Variants in CSMD1 observed in about 807,000 individuals in gnomAD.
CSMD1 encodes the protein CUB and sushi domain-containing protein 1.
In CSMD1, 213 loss-of-function variants were observed where a neutral mutation model predicts 417.5. The ratio of observed to expected loss-of-function variants is 0.51; its 90% CI spans 0.46 to 0.57. The LOEUF is 0.57. Among genes scored for constraint, CSMD1 ranks in the 20% least tolerant of loss-of-function variants. CSMD1 has a pLI of 0.00. For synonymous variants in CSMD1, 2,862 were observed against 1,736.8 expected, an observed-to-expected ratio of 1.65 and a Z score of -16.11; for missense variants, 6,923 against 4,529.7, an observed-to-expected ratio of 1.53 and a Z score of -15.17.
At chr8:4,627,546 C>T (rs1802190168) in intron 2 of CSMD1, among the ~76,000 whole-genome samples, 1 of 152,186 alleles carries the variant, frequency 6.6e-6, no homozygotes, top group African/African-American at 2.4e-5. Context: ...TTTTGAAAGA[C>T]AATGTAAAAT....
chr8:4,086,807 A>T (rs764631923), intron 3 of CSMD1, among the ~76,000 whole-genome samples: 2 of 152,178 alleles, frequency 1.3e-5, no homozygotes, highest in African/African-American at 4.8e-5. Context: ...CAAATTTCTT[A>T]GTCTGAGATG....
Position 3,433,151 on chromosome 8 carries a change from G to T in CSMD1, c.1562-23546C>A, listed in dbSNP as rs377648567. On this transcript the variant is annotated intron_variant, in intron 12 of 69. Transcript: ENST00000635120. Reference sequence around the variant, plus strand: ...AGTTGCATTTTGATAAACATGGTGGGATTCTGAAGAAACAATGAATGAAAT... The same window carrying T: ...AGTTGCATTTTGATAAACATGGTGGTATTCTGAAGAAACAATGAATGAAAT... Among the ~76,000 whole-genome samples, 45 of 152,324 alleles carry T rather than the reference G, an allele frequency of 3.0e-4. No individual in the cohort carries two copies. In the South Asian group the frequency reaches 7.5e-3, roughly 25 times the overall value.
At chr8:3,653,677 C>A (rs1797967775) in intron 7 of CSMD1, among the ~76,000 whole-genome samples, 1 of 152,098 alleles carries the variant, frequency 6.6e-6, no homozygotes, top group Non-Finnish European at 1.5e-5. Flanking sequence ...TTTTTACAGC[C>A]CAAGTCCTGG....
At chr8:3,039,839 A>G (rs1334925859) in intron 50 of CSMD1, among the ~76,000 whole-genome samples, 1 of 152,232 alleles carries the variant, frequency 6.6e-6, no homozygotes, top group African/African-American at 2.4e-5. Context: ...GCACTGATAC[A>G]TGCTTTGCCA....
At chr8:4,565,398 T>C (rs1053759519) in intron 2 of CSMD1, among the ~76,000 whole-genome samples, 1 of 152,092 alleles carries the variant, frequency 6.6e-6, no homozygotes, top group African/African-American at 2.4e-5. Flanking sequence ...AACCTCTTCA[T>C]TTTACATTGC....
chr8:4,241,371 C>G (rs765805253), intron 3 of CSMD1, among the ~76,000 whole-genome samples: 6 of 152,204 alleles, frequency 3.9e-5, no homozygotes, highest in Admixed American at 6.5e-5. Context: ...GTAGCAGGTC[C>G]TCAGGGAAAC....
intron 1 of CSMD1, among the ~76,000 whole-genome samples, chr8:4,763,190 G>C (rs971243744): frequency 6.6e-6 from 1 of 152,140 alleles, no homozygotes; most frequent in Non-Finnish European, 1.5e-5. Context: ...AAAGATCTGG[G>C]GGTAGAATTG....
At chr8:3,551,484 T>G (rs1798909143) in intron 10 of CSMD1, among the ~76,000 whole-genome samples, 2 of 151,752 alleles carry the variant, frequency 1.3e-5, no homozygotes, top group Admixed American at 6.6e-5. Flanking sequence ...ATACATAACT[T>G]TTATTGTGAC....
chr8:3,211,322 G>T (rs1797593595), intron 30 of CSMD1, among the ~76,000 whole-genome samples: 1 of 152,196 alleles, frequency 6.6e-6, no homozygotes, highest in Non-Finnish European at 1.5e-5. Flanking sequence ...TGAGATTACA[G>T]GCATGAGCAG....
intron 12 of CSMD1, among the ~76,000 whole-genome samples, chr8:3,437,661 T>C (rs1222228538): frequency 6.6e-6 from 1 of 152,240 alleles, no homozygotes; most frequent in Non-Finnish European, 1.5e-5. Context: ...ATTATTAACA[T>C]TAATGTTTTC....
At chr8:4,204,259 G>A (rs1346822213) in intron 3 of CSMD1, among the ~76,000 whole-genome samples, 7 of 150,460 alleles carry the variant, frequency 4.7e-5, no homozygotes, top group African/African-American at 1.2e-4. Flanking sequence ...TTTATGCAAT[G>A]CTAGGAAAAA....
chr8:4,666,564 C>G (rs1290911064), intron 1 of CSMD1, among the ~76,000 whole-genome samples: 1 of 152,156 alleles, frequency 6.6e-6, no homozygotes, highest in Non-Finnish European at 1.5e-5. Flanking sequence ...GGACTTCTGA[C>G]TTCTAAAACT....
At chr8:3,298,986 C>A (rs559383029) in intron 25 of CSMD1, among the ~76,000 whole-genome samples, 3 of 152,292 alleles carry the variant, frequency 2.0e-5, no homozygotes, top group Non-Finnish European at 4.4e-5. Context: ...AACAAACATG[C>A]ACCCTGGTAC....
chr8:4,325,382 T>G (rs929255743), intron 3 of CSMD1, among the ~76,000 whole-genome samples: 3 of 152,182 alleles, frequency 2.0e-5, no homozygotes, highest in Admixed American at 6.5e-5. Flanking sequence ...GAGACAGACC[T>G]CCAAATCCCA....
intron 30 of CSMD1, among the ~76,000 whole-genome samples, chr8:3,205,970 C>G (rs1019324113): frequency 6.6e-6 from 1 of 152,096 alleles, no homozygotes; most frequent in Non-Finnish European, 1.5e-5. Flanking sequence ...CGAAGTCAAT[C>G]CTCATATTAA....
chr8:3,433,278 G>A (rs780647009), intron 12 of CSMD1, among the ~76,000 whole-genome samples: 3 of 152,044 alleles, frequency 2.0e-5, no homozygotes, highest in Non-Finnish European at 4.4e-5. Flanking sequence ...TTATCTCCAG[G>A]TCTTCTGACC....
intron 50 of CSMD1, among the ~76,000 whole-genome samples, chr8:3,034,030 C>T (rs1383460118): frequency 3.9e-5 from 6 of 152,206 alleles, no homozygotes; most frequent in Non-Finnish European, 4.4e-5. Flanking sequence ...CTCCAGCTGC[C>T]TCCCCATGTG....
At chr8:3,566,573 G>C (rs773705439) in intron 10 of CSMD1, among the ~76,000 whole-genome samples, 3 of 140,178 alleles carry the variant, frequency 2.1e-5, no homozygotes, top group Non-Finnish European at 3.1e-5. Context: ...TATTGAAAAA[G>C]AACTTAGATT....
intron 3 of CSMD1, among the ~76,000 whole-genome samples, chr8:4,134,221 G>A (rs772217374): frequency 1.3e-5 from 2 of 152,172 alleles, no homozygotes; most frequent in African/African-American, 2.4e-5. Flanking sequence ...ACGCTGAATT[G>A]TGTCTCCCCA....
Sources: gnomAD v4.1 joint callset for allele counts (sites outside exome capture counted in the v4.1 genomes callset) on GRCh38, gnomAD v4.1.1 for gene constraint, MANE v1.5 for transcripts, NCBI Gene and HGNC (gene_info 2026-07-23, HGNC 2026-07-21) for gene names.